Variants in NAV3 observed in about 807,000 individuals in gnomAD.
The protein encoded by NAV3 is pore membrane and/or filament interacting like protein 1.
Under a neutral mutation model 244.7 loss-of-function variants are expected in NAV3, and 87 were observed. That is an observed-to-expected ratio of 0.36 (90% CI 0.30 to 0.42). The LOEUF (loss-of-function observed/expected upper bound fraction) is 0.42. NAV3 is among the 20% of genes least tolerant of loss of function. The probability of loss-of-function intolerance (pLI) is 1.00; values close to 1 mark genes in which losing one functional copy is unlikely to be tolerated. For synonymous variants in NAV3, 1,126 were observed against 1,042.2 expected, an observed-to-expected ratio of 1.08 and a Z score of -1.55; for missense variants, 2,663 against 2,893.3, an observed-to-expected ratio of 0.92 and a Z score of 1.83.
Position 77,640,248 on chromosome 12 carries a change from AGAGG to A in NAV3, c.72+67986_72+67989del, listed in dbSNP as rs528398629. ...TCACAGAGACATACAGCAGAGAGAG[AGAGG>A]GAGAGAGAGAGTGTGTGTAAGTTGT... is the stretch of plus-strand genomic sequence containing the variant. On this transcript the variant is annotated intron_variant, in intron 2 of 8. Transcript: ENST00000550042. Among the ~76,000 whole-genome samples, 287 of 152,308 alleles carry A rather than the reference AGAGG, an allele frequency of 1.9e-3. 2 individuals carry two copies. Among genetic ancestry groups the A allele is most frequent in the African/African-American group, 6.6e-3 (274 of 41,578 alleles).
intron 1 of NAV3, among the ~76,000 whole-genome samples, chr12:77,901,522 C>A (rs1318532631): frequency 6.6e-6 from 1 of 151,960 alleles, no homozygotes; most frequent in Non-Finnish European, 1.5e-5. Flanking sequence ...CCAGCCTGGC[C>A]AACATGGTGA....
chr12:77,989,698 T>G (rs554041716), intron 5 of NAV3, among the ~76,000 whole-genome samples: 1 of 152,276 alleles, frequency 6.6e-6, no homozygotes, highest in East Asian at 1.9e-4. Context: ...TGAAATAACA[T>G]TTATTCTCTA....
chr12:77,664,205 G>T (rs765985059), intron 2 of NAV3, among the ~76,000 whole-genome samples: 2 of 152,108 alleles, frequency 1.3e-5, no homozygotes, highest in Non-Finnish European at 2.9e-5. Flanking sequence ...GGAGATGTTT[G>T]GATCTAAATT....
At chr12:77,734,319 T>C (rs1386174520) in intron 2 of NAV3, among the ~76,000 whole-genome samples, 1 of 152,046 alleles carries the variant, frequency 6.6e-6, no homozygotes, top group African/African-American at 2.4e-5. Context: ...TTGCACACTT[T>C]TAAATCTTTA....
intron 12 of NAV3, among the ~76,000 whole-genome samples, chr12:78,099,656 A>G (rs1158282549): frequency 6.6e-6 from 1 of 151,932 alleles, no homozygotes; most frequent in Non-Finnish European, 1.5e-5. Context: ...ACTTGTACCT[A>G]TTTCAACTAT....
chr12:77,951,773 C>T (rs928351062), intron 3 of NAV3, among the ~76,000 whole-genome samples: 3 of 152,122 alleles, frequency 2.0e-5, no homozygotes, highest in Non-Finnish European at 4.4e-5. Context: ...TTTGTAGGGA[C>T]ATGGATGAAG....
intron 2 of NAV3, among the ~76,000 whole-genome samples, chr12:77,807,360 A>T (rs1872036357): frequency 6.6e-6 from 1 of 152,106 alleles, no homozygotes; most frequent in Admixed American, 6.5e-5. Context: ...AGCTCTTGTA[A>T]GACAGGCCTG....
At chr12:77,832,247 C>T (rs1700034911) in intron 1 of NAV3, among the ~76,000 whole-genome samples, 1 of 152,114 alleles carries the variant, frequency 6.6e-6, no homozygotes, top group African/African-American at 2.4e-5. Context: ...TATGGACTTT[C>T]CCTTGTAAAC....
chr12:77,717,848 C>T (rs187358199), intron 2 of NAV3, among the ~76,000 whole-genome samples: 77 of 152,140 alleles, frequency 5.1e-4, no homozygotes, highest in Non-Finnish European at 4.9e-4. Context: ...TGATTTCTAG[C>T]GATGTTGAAT....
intron 8 of NAV3, among the ~76,000 whole-genome samples, chr12:78,019,207 A>C (rs1876740990): frequency 6.6e-6 from 1 of 152,156 alleles, no homozygotes; most frequent in South Asian, 2.1e-4. Context: ...ATGAGTTAGT[A>C]ACTGATTAGT....
chr12:77,902,001 A>G (rs559099539), intron 1 of NAV3, among the ~76,000 whole-genome samples: 11 of 152,320 alleles, frequency 7.2e-5, no homozygotes, highest in Non-Finnish European at 1.6e-4. Flanking sequence ...TAGGAATTTA[A>G]TAAGTGATTT....
intron 20 of NAV3, among the ~76,000 whole-genome samples, chr12:78,142,946 T>A (rs4540866): frequency 0.33 from 50,650 of 151,504 alleles, 8,741 homozygotes; most frequent in East Asian, 0.48. Context: ...GGGAACTACT[T>A]AAGAGAAAAA....
chr12:78,130,071 ATTTTGAGCCT>A (rs1380175085), intron 18 of NAV3, among the ~76,000 whole-genome samples: 1 of 152,144 alleles, frequency 6.6e-6, no homozygotes, highest in Non-Finnish European at 1.5e-5. Context: ...ACAACAGTCA[ATTTTGAGCCT>A]TGTATTTTCC....
intron 2 of NAV3, among the ~76,000 whole-genome samples, chr12:77,718,817 C>G (rs1439213399): frequency 6.6e-6 from 1 of 151,740 alleles, no homozygotes; most frequent in East Asian, 1.9e-4. Context: ...ACCACCATGC[C>G]TAAAAATTTT....
intron 1 of NAV3, among the ~76,000 whole-genome samples, chr12:77,919,469 G>A (rs766909050): frequency 3.3e-5 from 5 of 151,978 alleles, no homozygotes; most frequent in South Asian, 2.1e-4. Context: ...TTGCAACTCC[G>A]TATCTGTGGA....
At chr12:77,588,554 T>C (rs996257844) in intron 2 of NAV3, among the ~76,000 whole-genome samples, 4 of 152,204 alleles carry the variant, frequency 2.6e-5, no homozygotes, top group African/African-American at 4.8e-5. Context: ...GCATTTTTCA[T>C]GGATACCTTT....
chr12:77,828,626 G>T (rs1302426747), upstream of NAV3, among the ~76,000 whole-genome samples: 4 of 152,090 alleles, frequency 2.6e-5, no homozygotes, highest in South Asian at 4.1e-4. Context: ...AAATTGAGAT[G>T]ACAACTCCTG....
At chr12:77,989,638 A>T (rs569106526) in intron 5 of NAV3, among the ~76,000 whole-genome samples, 25 of 152,270 alleles carry the variant, frequency 1.6e-4, no homozygotes, top group African/African-American at 5.8e-4. Flanking sequence ...GAGATCATGA[A>T]AAATAAAGGA....
Position 77,966,854 on chromosome 12 carries a change from A to G in NAV3, c.487+553A>G, listed in dbSNP as rs1593145122. On this transcript the variant is annotated intron_variant, in intron 4 of 39. Transcript: ENST00000397909. ...AAGATCATCACTAAAATTGAAAGAG[A>G]GCAAAATGGGGAAAACTTGAACAAA... is the stretch of plus-strand genomic sequence containing the variant. 3.9e-5 allele frequency among the ~76,000 whole-genome samples: 6 copies of G among 152,226 alleles called. No individual in the cohort carries two copies. In the South Asian group the frequency reaches 1.2e-3, roughly 32 times the overall value.
Sources: allele counts gnomAD v4.1 joint callset (sites outside exome capture counted in the v4.1 genomes callset), GRCh38; gene constraint gnomAD v4.1.1; transcripts MANE v1.5; gene names NCBI Gene and HGNC (gene_info 2026-07-23, HGNC 2026-07-21).